TNNI3K: variants seen among roughly 807,000 people sequenced by gnomAD.
TNNI3K encodes the protein TNNI3 interacting kinase, also known as serine/threonine-protein kinase TNNI3K.
TNNI3K carries 140 observed loss-of-function variants against 114.5 expected under a neutral mutation model. That is an observed-to-expected ratio of 1.22 (90% CI 1.07 to 1.41). The LOEUF is 1.41. Among genes scored for constraint, TNNI3K ranks in the 40% most tolerant of loss-of-function variants. The pLI, the probability that TNNI3K is intolerant of heterozygous loss-of-function variation, is 0.00. For synonymous variants in TNNI3K, 347 were observed against 347.5 expected (o/e 1.00, Z 0.02); for missense variants, 1,125 against 1,007.6 (o/e 1.12, Z -1.58).
At chr1:74,245,956 A>G (rs1654526375) in intron 2 of TNNI3K, among the ~76,000 whole-genome samples, 2 of 152,226 alleles carry the variant, frequency 1.3e-5, no homozygotes, top group African/African-American at 2.4e-5. Flanking sequence ...TTGTGGAAGT[A>G]CAATAAACTC....
intron 17 of TNNI3K, among the ~76,000 whole-genome samples, chr1:74,413,515 T>C (rs1407260357): frequency 3.3e-5 from 5 of 152,202 alleles, no homozygotes; most frequent in African/African-American, 1.2e-4. Context: ...TACAGTCTGA[T>C]ATGTTAATGT....
At chr1:74,469,594 G>C (rs971013513) in intron 21 of TNNI3K, 1 of 246,366 alleles carries the variant, frequency 4.1e-6, no homozygotes, top group Non-Finnish European at 7.6e-6. Flanking sequence ...TTTTTTCAAT[G>C]TTTGCTTGCT....
chr1:74,296,550 ATGT>A (rs1396583895), intron 5 of TNNI3K, among the ~76,000 whole-genome samples: 2 of 151,890 alleles, frequency 1.3e-5, no homozygotes, highest in African/African-American at 4.8e-5. Context: ...CTCTGGAGTC[ATGT>A]TGTTCCTGCT....
chr1:74,240,826 C>T (rs1286011033), intron 2 of TNNI3K: 3 of 151,258 alleles, frequency 2.0e-5, no homozygotes, highest in Non-Finnish European at 2.9e-5. Flanking sequence ...TACATGTGCA[C>T]AACATGCAGG....
At chr1:74,472,339 A>G in intron 21 of TNNI3K, 1 of 592,656 alleles carries the variant, frequency 1.7e-6, no homozygotes, top group Non-Finnish European at 3.0e-6. Flanking sequence ...CCTAATTTGT[A>G]ACCAAACCTA....
chr1:74,395,651 G>A (rs563249233), intron 17 of TNNI3K, among the ~76,000 whole-genome samples: 2 of 152,170 alleles, frequency 1.3e-5, no homozygotes, highest in African/African-American at 2.4e-5. Context: ...CCCAATCCGT[G>A]GTTATGTCCT....
At chr1:74,314,781 T>G (rs1294442719) in intron 5 of TNNI3K, among the ~76,000 whole-genome samples, 2 of 152,172 alleles carry the variant, frequency 1.3e-5, no homozygotes, top group African/African-American at 4.8e-5. Context: ...TGATTACAAT[T>G]TGGGTAGAAA....
At position 74,449,236 on chromosome 1, in the gene TNNI3K, C is replaced by T. The variant is rs536421495; in HGVS notation, c.2011+9614C>T. ...AATTTATCCATTTCTTCTAGATTTTCCAGTTTATTTGCGTAGAGGTGTTTG... is the reference window on the plus strand; with the variant it reads ...AATTTATCCATTTCTTCTAGATTTTTCAGTTTATTTGCGTAGAGGTGTTTG... On this transcript the variant is annotated intron_variant, in intron 20 of 24. Transcript: ENST00000326637. Among the ~76,000 whole-genome samples the T allele has an allele frequency of 1.5e-3, 233 of 151,938 alleles. 1 individual carries two copies. The South Asian group carries it at 0.022, about 15-fold the overall frequency.
At chr1:74,467,059 T>G (rs913106836) in intron 21 of TNNI3K, among the ~76,000 whole-genome samples, 2 of 152,132 alleles carry the variant, frequency 1.3e-5, no homozygotes, top group Non-Finnish European at 2.9e-5. Flanking sequence ...AGTGAAGGCT[T>G]CCCAAAAAGA....
chr1:74,414,109 T>C (rs1665011379), intron 17 of TNNI3K, among the ~76,000 whole-genome samples: 1 of 152,192 alleles, frequency 6.6e-6, no homozygotes, highest in African/African-American at 2.4e-5. Context: ...ATTGTGTTTA[T>C]TAGTGTTGCA....
At chr1:74,422,939 C>T (rs1665468557) in intron 17 of TNNI3K, among the ~76,000 whole-genome samples, 1 of 152,142 alleles carries the variant, frequency 6.6e-6, no homozygotes, top group Admixed American at 6.6e-5. Flanking sequence ...TGGATAAAAT[C>T]ACTGGGTAAC....
chr1:74,464,325 A>G (rs942394239), intron 21 of TNNI3K, among the ~76,000 whole-genome samples: 2 of 152,310 alleles, frequency 1.3e-5, no homozygotes, highest in East Asian at 3.9e-4. Context: ...GTTGTCTATT[A>G]AAATCCTTGT....
chr1:74,278,302 C>A (rs1282950184), intron 5 of TNNI3K, among the ~76,000 whole-genome samples: 3 of 152,242 alleles, frequency 2.0e-5, no homozygotes, highest in Middle Eastern at 3.4e-3. Context: ...GAATAGATAA[C>A]TTTGTACTGA....
chr1:74,281,337 T>TGTGTGTGTGG (rs1236132618), intron 5 of TNNI3K, among the ~76,000 whole-genome samples: 2,358 of 151,522 alleles, frequency 0.016, 60 homozygotes, highest in African/African-American at 0.052. Flanking sequence ...ATAATAGATG[T>TGTGTGTGTGG]GTGTGTGTGT....
At chr1:74,375,794 A>C in intron 17 of TNNI3K, 1 of 330,684 alleles carries the variant, frequency 3.0e-6, no homozygotes, top group Non-Finnish European at 6.1e-6. Context: ...TAATAATAAC[A>C]CTCTTCTCTC....
At chr1:74,420,381 A>G (rs997402605) in intron 17 of TNNI3K, among the ~76,000 whole-genome samples, 8 of 152,138 alleles carry the variant, frequency 5.3e-5, no homozygotes, top group Admixed American at 3.3e-4. Flanking sequence ...AAAGACTGCC[A>G]GAGGAAGGTA....
In TNNI3K at chr1:74,342,974, C is replaced by A. The variant is rs922125141; in HGVS notation, c.815C>A (p.Thr272Asn). ...QPHVVNIYGD[T>N]PLHLACYNGK... ...CATGTTGTTAATATCTATGGAGATA[C>A]CCCCTTACACCTGTGAGTATTATGT... The change falls in exon 8 of 25, where the codon ACC becomes AAC. Residue 272 changes from threonine to asparagine, a missense_variant. By Grantham distance (65) the Thr-to-Asn change is moderately conservative. Transcript: ENST00000326637. 10 of 1,613,704 alleles carry A rather than the reference C, an allele frequency of 6.2e-6. No individual in the cohort carries two copies. Among genetic ancestry groups the A allele is most frequent in the African/African-American group, 2.7e-5 (2 of 74,900 alleles).
Position 74,439,617 on chromosome 1 carries a change from A to C in TNNI3K, c.2006A>C (p.Lys669Thr), listed in dbSNP as rs773241320. ...LTGEIPFAHL[K>T]PAAAAADMAY... ...GGCGAAATTCCATTCGCTCATCTCA[A>C]GCCAGGTAAGACACACTGCAATTGA... Residue 669 changes from lysine (K) to threonine (T), a missense_variant, in exon 20 of 25, where the codon AAG becomes ACG. Transcript: ENST00000326637. 1 of 1,613,400 alleles carries C rather than the reference A, an allele frequency of 6.2e-7. No homozygotes were observed. Among genetic ancestry groups the C allele is most frequent in the Admixed American group, 1.7e-5 (1 of 59,910 alleles).
chr1:74,457,199 A>C (rs1330532445), intron 20 of TNNI3K, among the ~76,000 whole-genome samples: 1 of 152,176 alleles, frequency 6.6e-6, no homozygotes, highest in African/African-American at 2.4e-5. Context: ...ACCAATCACC[A>C]CGCAGATCAC....
Sources: gnomAD v4.1 joint callset for allele counts (sites outside exome capture counted in the v4.1 genomes callset) on GRCh38, gnomAD v4.1.1 for gene constraint, MANE v1.5 for transcripts, NCBI Gene and HGNC (gene_info 2026-07-23, HGNC 2026-07-21) for gene names.